NRF1: variants seen among roughly 807,000 people sequenced by gnomAD.
NRF1 encodes alpha palindromic-binding protein.
Under a neutral mutation model 58.5 loss-of-function variants are expected in NRF1, and 5 were observed. That is an observed-to-expected ratio of 0.09 (90% CI 0.04 to 0.18). NRF1 has a LOEUF of 0.18. Among genes scored for constraint, NRF1 ranks in the 10% least tolerant of loss-of-function variants. The pLI is 1.00. For missense variants in NRF1, 288 were observed against 657.7 expected, an observed-to-expected ratio of 0.44 and a Z score of 6.15; for synonymous variants, 224 against 246.7, an observed-to-expected ratio of 0.91 and a Z score of 0.86.
At chr7:129,639,180 C>T (rs1236397135) in intron 1 of NRF1, among the ~76,000 whole-genome samples, 1 of 152,066 alleles carries the variant, frequency 6.6e-6, no homozygotes, top group East Asian at 1.9e-4. Flanking sequence ...CCTTCTCAGC[C>T]TCCCGAGTAG....
Position 129,716,066 on chromosome 7 carries a change from A to G in NRF1, c.1066-1153A>G, listed in dbSNP as rs184450172. 7.9e-5 allele frequency among the ~76,000 whole-genome samples: 12 copies of G among 152,330 alleles called. No individual in the cohort carries two copies. The East Asian group carries it at 2.3e-3, about 29-fold the overall frequency. On this transcript the variant is annotated intron_variant, in intron 8 of 10. Transcript: ENST00000393232. ...ATTTTTAAGAATCATGAATGAGTAAAGTAGTTTTATATGTTCCAAAATGGA... is the reference window on the plus strand; with the variant it reads ...ATTTTTAAGAATCATGAATGAGTAAGGTAGTTTTATATGTTCCAAAATGGA...
intron 5 of NRF1, among the ~76,000 whole-genome samples, chr7:129,690,759 C>T (rs911520847): frequency 1.3e-5 from 2 of 151,980 alleles, no homozygotes; most frequent in Non-Finnish European, 2.9e-5. Context: ...TCTCCTCTTT[C>T]TTCTGGCAGT....
At chr7:129,722,434 G>A (rs1030949872) in intron 9 of NRF1, among the ~76,000 whole-genome samples, 4 of 151,816 alleles carry the variant, frequency 2.6e-5, no homozygotes, top group Non-Finnish European at 4.4e-5. Flanking sequence ...TAGTTTGGTC[G>A]TTTCCCATAA....
intron 1 of NRF1, among the ~76,000 whole-genome samples, chr7:129,639,579 T>C (rs1801243594): frequency 6.8e-6 from 1 of 146,314 alleles, no homozygotes; most frequent in Non-Finnish European, 1.5e-5. Context: ...GGAGTCTTGC[T>C]CTGTCGCCCA....
At chr7:129,720,319 TAGTC>T (rs1012577677) in intron 9 of NRF1, among the ~76,000 whole-genome samples, 2 of 152,238 alleles carry the variant, frequency 1.3e-5, no homozygotes, top group African/African-American at 4.8e-5. Flanking sequence ...TCTAATGTCT[TAGTC>T]AGGAGGGTTG....
At chr7:129,721,345 G>C (rs1783805834) in intron 9 of NRF1, among the ~76,000 whole-genome samples, 1 of 152,034 alleles carries the variant, frequency 6.6e-6, no homozygotes, top group South Asian at 2.1e-4. Flanking sequence ...ACTGTGTGCA[G>C]GGCTGTGACT....
rs559935174 is a variant in NRF1 at position 129,678,551 on chromosome 7, T to C, written c.465+793T>C. On this transcript the variant is annotated intron_variant, in intron 4 of 10. Coordinates refer to ENST00000393232, the MANE Select transcript of NRF1 (RefSeq NM_005011.5). The stretch of plus-strand genomic sequence containing the variant: ...CTGTCCCTGAAATGTTGTGGGTATT[T>C]CTTAACATTTTTGAGTTCTGTTTTG... Among the ~76,000 whole-genome samples, 183 of 152,310 alleles carry C rather than the reference T, an allele frequency of 1.2e-3. 1 individual carries two copies. The highest frequency in any genetic ancestry group is 4.8e-3 in the South Asian group (23 of 4,826).
chr7:129,710,408 A>G lies in NRF1; in HGVS notation c.800A>G (p.Lys267Arg), dbSNP rs1803046760. 2.5e-6 allele frequency: 4 copies of G among 1,614,074 alleles called. No individual in the cohort carries two copies. The highest frequency in any genetic ancestry group is 3.4e-6 in the Non-Finnish European group (4 of 1,180,042). The change falls in exon 7 of 11, where the codon AAA becomes AGA. Residue 267 changes from lysine to arginine, a missense_variant. Lys to Arg is a conservative substitution (Grantham distance 26). Around this residue, in one of 3 missense-constraint regions of NRF1, gnomAD observed 212 missense variants for 559.7 expected, o/e 0.38. Coordinates refer to ENST00000393232, the MANE Select transcript of NRF1 (RefSeq NM_005011.5). Reference sequence around the variant, plus strand: ...ACCCAGGCACTACGGACCATAGTTAAAAACTGTTATAAACAGCATGGGCGG... The same window carrying G: ...ACCCAGGCACTACGGACCATAGTTAGAAACTGTTATAAACAGCATGGGCGG... ...SWTQALRTIV[K>R]NCYKQHGRED...
At chr7:129,737,988 G>C (rs1803757723) in intron 10 of NRF1, among the ~76,000 whole-genome samples, 1 of 152,184 alleles carries the variant, frequency 6.6e-6, no homozygotes, top group South Asian at 2.1e-4. Flanking sequence ...TCCCCAAAGA[G>C]CAGCACAGCT....
intron 5 of NRF1, among the ~76,000 whole-genome samples, chr7:129,705,815 C>T (rs145417345): frequency 3.3e-5 from 5 of 152,092 alleles, no homozygotes; most frequent in East Asian, 1.9e-4. Context: ...TGGTGGCATG[C>T]GCCTTTAGTC....
chr7:129,663,528 C>T (rs549640536), intron 2 of NRF1, among the ~76,000 whole-genome samples: 2,539 of 147,820 alleles, frequency 0.017, 69 homozygotes, highest in African/African-American at 0.059. Context: ...ACCTCCCAGA[C>T]GGGGTGGCCG....
At chr7:129,715,026 A>G (rs1347640730) in intron 8 of NRF1, among the ~76,000 whole-genome samples, 3 of 152,318 alleles carry the variant, frequency 2.0e-5, no homozygotes, top group South Asian at 2.1e-4. Context: ...CCAAATAGAA[A>G]TTGCTTTTAC....
chr7:129,631,415 T>C (rs1467184885), intron 1 of NRF1, among the ~76,000 whole-genome samples: 1 of 152,082 alleles, frequency 6.6e-6, no homozygotes, highest in Non-Finnish European at 1.5e-5. Flanking sequence ...AGATGGGGTC[T>C]CCCTATGTTG....
intron 10 of NRF1, among the ~76,000 whole-genome samples, chr7:129,739,810 G>A (rs142704453): frequency 2.4e-4 from 37 of 152,264 alleles, no homozygotes; most frequent in African/African-American, 8.4e-4. Flanking sequence ...GTGCTGTAAT[G>A]GATTTATAGT....
chr7:129,681,184 T>C (rs1802299454), intron 4 of NRF1, among the ~76,000 whole-genome samples: 1 of 152,220 alleles, frequency 6.6e-6, no homozygotes, highest in Non-Finnish European at 1.5e-5. Flanking sequence ...CCGGAGCCAG[T>C]GATACAGGCT....
chr7:129,740,403 T>C (rs7796553), intron 10 of NRF1, among the ~76,000 whole-genome samples: 27,352 of 152,210 alleles, frequency 0.18, 2,721 homozygotes, highest in East Asian at 0.47. Context: ...CTGGCACATA[T>C]GCTTAGGGCC....
At chr7:129,645,199 C>A (rs1277528242) in intron 1 of NRF1, among the ~76,000 whole-genome samples, 2 of 152,072 alleles carry the variant, frequency 1.3e-5, no homozygotes, top group African/African-American at 4.8e-5. Context: ...TCATTTTGTC[C>A]CCAGTAATTC....
At chr7:129,645,957 C>T (rs1256836459) in intron 1 of NRF1, among the ~76,000 whole-genome samples, 1 of 152,210 alleles carries the variant, frequency 6.6e-6, no homozygotes, top group Non-Finnish European at 1.5e-5. Flanking sequence ...TCAAGCGATT[C>T]TCCTGCCTCA....
chr7:129,690,355 C>T (rs1584643711), intron 4 of NRF1, 51 bp from the exon 5 acceptor site: 3 of 1,581,958 alleles, frequency 1.9e-6, no homozygotes, highest in African/African-American at 1.3e-5. Flanking sequence ...TGGCACCAAT[C>T]CTCCCTGGTT....
Sources: allele counts gnomAD v4.1 joint callset (sites outside exome capture counted in the v4.1 genomes callset), GRCh38; gene constraint gnomAD v4.1.1; regional missense constraint gnomAD v4.1.1; transcripts MANE v1.5; gene names NCBI Gene and HGNC (gene_info 2026-07-23, HGNC 2026-07-21).